EIF2D: variants seen among roughly 807,000 people sequenced by gnomAD.
EIF2D encodes eukaryotic translation initiation factor 2D.
A neutral mutation model predicts 77.4 loss-of-function variants in EIF2D; 56 were observed. The ratio of observed to expected loss-of-function variants is 0.72; its 90% CI spans 0.58 to 0.90. The LOEUF is 0.90. Among genes scored for constraint, EIF2D ranks in the 40% least tolerant of loss-of-function variants. EIF2D has a pLI of 0.00. For missense variants in EIF2D, 574 were observed against 706.5 expected, an observed-to-expected ratio of 0.81 and a Z score of 2.13; for synonymous variants, 230 against 271.0, an observed-to-expected ratio of 0.85 and a Z score of 1.49.
intron 2 of EIF2D, chr1:206,585,107 A>G (rs1474327167): frequency 8.7e-7 from 1 of 1,145,840 alleles, no homozygotes; most frequent in African/African-American, 1.5e-5. Flanking sequence ...TGCATTTCCA[A>G]TCCTTTCCCG....
In EIF2D at chr1:206,599,905, GC is replaced by G; in HGVS notation, c.949-70del. 6.9e-7 allele frequency: 1 copy of G among 1,445,334 alleles called. No individual in the cohort carries two copies. Among genetic ancestry groups the G allele is most frequent in the Non-Finnish European group, 9.7e-7 (1 of 1,035,156 alleles). 89.5% of individuals were successfully genotyped at this position (1,445,334 alleles called of 1,614,324 possible). ...CACACATACTGAGCACCCAGGATGT[GC>G]CAGAGTGAGCTAGGCAGGGACTGTG... On this transcript the variant is annotated intron_variant, in intron 8 of 14. Transcript: ENST00000271764. This position sits in a 1 kb window ranked among gnomAD's most constrained non-coding sequence, Gnocchi z 4.1.
At position 206,584,373 on chromosome 1, in the gene EIF2D, G is replaced by A; in HGVS notation, c.139-3211C>T. 6.2e-7 allele frequency: 1 copy of A among 1,600,068 alleles called. No individual in the cohort carries two copies. Among genetic ancestry groups the A allele is most frequent in the Non-Finnish European group, 8.5e-7 (1 of 1,172,100 alleles). On this transcript the variant is annotated intron_variant and NMD_transcript_variant, in intron 2 of 5. Coordinates refer to the EIF2D transcript ENST00000472709. This position sits in a 1 kb window ranked among gnomAD's most constrained non-coding sequence, Gnocchi z 4.9. ...GGACGGCCCTGACCCCCTGTGACAT[G>A]CCCCCGCTGGCAGAGTGAAGACGGC...
At chr1:206,606,989 T>C (rs1670231144) in intron 4 of EIF2D, among the ~76,000 whole-genome samples, 1 of 152,176 alleles carries the variant, frequency 6.6e-6, no homozygotes, top group Admixed American at 6.5e-5. Context: ...GTATCTACTC[T>C]GGAAAAATAC....
At position 206,593,810 on chromosome 1, in the gene EIF2D, G is replaced by A. The variant is rs1192298648; in HGVS notation, c.1510-17C>T. On this transcript the variant is annotated splice_polypyrimidine_tract_variant and intron_variant, in intron 13 of 14. Transcript: ENST00000271764. Reference sequence around the variant, plus strand: ...CACGGTCACCTGGGGGGACAGTGGGGACAGAGACTGACGGTGGTGACTGCA... The same window carrying A: ...CACGGTCACCTGGGGGGACAGTGGGAACAGAGACTGACGGTGGTGACTGCA... The A allele has an allele frequency of 3.8e-5, 60 of 1,581,430 alleles. No individual in the cohort carries two copies. The highest frequency in any genetic ancestry group is 5.2e-5 in the Non-Finnish European group (60 of 1,157,140).
chr1:206,602,079 T>C (rs1350260511), intron 7 of EIF2D: 2 of 425,040 alleles, frequency 4.7e-6, no homozygotes, highest in African/African-American at 4.0e-5. Context: ...TCACAGAATC[T>C]CAGGAATTTT....
chr1:206,593,135 G>A (rs1669431509), intron 14 of EIF2D, among the ~76,000 whole-genome samples: 3 of 151,972 alleles, frequency 2.0e-5, no homozygotes, highest in Admixed American at 2.0e-4. Flanking sequence ...TTAGACTCTG[G>A]AGTCTAAAAA....
chr1:206,578,257 T>TGC (rs1336893783), intron 4 of EIF2D, among the ~76,000 whole-genome samples: 118 of 151,448 alleles, frequency 7.8e-4, no homozygotes, highest in African/African-American at 2.4e-3. Flanking sequence ...TGTGTGTGTG[T>TGC]GTGTGTAAGT....
intron 13 of EIF2D, 141 bp downstream of exon 13, chr1:206,595,577 G>T: frequency 9.7e-7 from 1 of 1,032,912 alleles, no homozygotes; most frequent in Non-Finnish European, 1.4e-6. Flanking sequence ...CCCAGCCCAG[G>T]CACATAAACA....
rs980644757 is a variant in EIF2D, at chr1:206,602,422, G to C, written c.816C>G (p.Phe272Leu). The change falls in exon 7 of 15, where the codon TTC (phenylalanine) becomes TTG (leucine). Residue 272 changes from phenylalanine to leucine, a missense_variant. Coordinates refer to ENST00000271764, the MANE Select transcript of EIF2D (RefSeq NM_006893.3). ...EQMDELLQQC[F>L]LHALKCRVKK... Reference sequence around the variant, plus strand: ...TGACTCGGCACTTCAAGGCATGTAAGAAGCATTGCTGTAACAGCTCATCCA... The same window carrying C: ...TGACTCGGCACTTCAAGGCATGTAACAAGCATTGCTGTAACAGCTCATCCA... 1.2e-6 allele frequency: 2 copies of C among 1,614,240 alleles called. No homozygotes were observed. The highest frequency in any genetic ancestry group is 1.7e-5 in the Admixed American group (1 of 60,034).
chr1:206,591,912 G>A (rs1669355192), intron 14 of EIF2D, 67 bp from the exon 15 acceptor site: 14 of 1,498,188 alleles, frequency 9.3e-6, no homozygotes, highest in Non-Finnish European at 1.2e-5. Context: ...CCCTCCACCA[G>A]TCCCCGTTGC....
chr1:206,584,656 T>A lies in EIF2D; in HGVS notation c.139-3494A>T. On this transcript the variant is annotated intron_variant and NMD_transcript_variant, in intron 2 of 5. Coordinates refer to the EIF2D transcript ENST00000472709. The surrounding 1 kb of genome is among the most constrained non-coding windows in gnomAD (Gnocchi z 4.9). ...TGGACAATCCCCAGAAGTTTGCACT[T>A]TTTAAGCGGATACACAAGGACGGAC... The A allele has an allele frequency of 6.2e-7, 1 of 1,614,226 alleles. No homozygotes were observed. Among genetic ancestry groups the A allele is most frequent in the Non-Finnish European group, 8.5e-7 (1 of 1,180,044 alleles).
Position 206,599,616 on chromosome 1 carries a change from A to G in EIF2D, c.1053-4T>C. On this transcript the variant is annotated splice_polypyrimidine_tract_variant and splice_region_variant and intron_variant, in intron 9 of 14. Coordinates refer to ENST00000271764, the MANE Select transcript of EIF2D (RefSeq NM_006893.3). The surrounding 1 kb of genome is among the most constrained non-coding windows in gnomAD (Gnocchi z 4.1). Reference sequence around the variant, plus strand: ...GGGTATGACGAAAGATGTAATCCTAAAACCCAGCAGAAGGAAAGAAAAAAC... The same window carrying G: ...GGGTATGACGAAAGATGTAATCCTAGAACCCAGCAGAAGGAAAGAAAAAAC... 1 of 1,600,522 alleles carries G rather than the reference A, an allele frequency of 6.2e-7. No homozygotes were observed. Among genetic ancestry groups the G allele is most frequent in the Admixed American group, 1.7e-5 (1 of 57,914 alleles).
intron 2 of EIF2D, chr1:206,583,745 G>A (rs1458572483): frequency 2.4e-5 from 6 of 246,368 alleles, no homozygotes; most frequent in Non-Finnish European, 4.1e-5. Flanking sequence ...CTACCCCTTC[G>A]ATTGTGAGAG....
chr1:206,611,440 A>T, intron 1 of EIF2D, 66 bp from the exon 2 acceptor site: 1 of 1,394,050 alleles, frequency 7.2e-7, no homozygotes, highest in African/African-American at 1.4e-5. Context: ...TCAAGAACGA[A>T]CTCAAAAGTG....
At chr1:206,569,785 G>C (rs376838448), downstream of EIF2D, among the ~76,000 whole-genome samples, 3 of 152,158 alleles carry the variant, frequency 2.0e-5, no homozygotes, top group African/African-American at 7.2e-5. Flanking sequence ...TGCCCGCTAC[G>C]ACTGCAGCAG....
rs1476375070 is a variant in EIF2D at position 206,593,504 on chromosome 1, A to AGTGTGTGTGT, written c.1684+114_1684+115insACACACACAC. ...GAGAGAGAGCGAGAGAGAGAGAGAG[A>AGTGTGTGTGT]GAGAGTGTGTGTGTGTGTGTGTGTG... On this transcript the variant is annotated intron_variant, in intron 14 of 14. Coordinates refer to ENST00000271764, the MANE Select transcript of EIF2D (RefSeq NM_006893.3). 1.8e-4 allele frequency: 71 copies of AGTGTGTGTGT among 404,760 alleles called. 1 individual carries two copies. The highest frequency in any genetic ancestry group is 9.1e-4 in the Admixed American group (15 of 16,494). The allele number at this position is 404,760 out of a possible 1,614,324, so 25.1% of individuals were successfully genotyped here.
intron 2 of EIF2D, among the ~76,000 whole-genome samples, chr1:206,610,066 A>G (rs1437683680): frequency 6.6e-6 from 1 of 152,180 alleles, no homozygotes; most frequent in Non-Finnish European, 1.5e-5. Context: ...AAGGCAAAGA[A>G]TCCTAGAGAG....
chr1:206,586,246 T>TCAGCCTGATGGAGAG (rs1553407616), intron 2 of EIF2D: 1 of 153,968 alleles, frequency 6.5e-6, no homozygotes, highest in Non-Finnish European at 1.4e-5. Context: ...TGCTCTTGGG[T>TCAGCCTGATGGAGAG]CAGCCTGATG....
chr1:206,593,871 C>A, intron 13 of EIF2D, 78 bp from the exon 14 acceptor site: 1 of 1,368,698 alleles, frequency 7.3e-7, no homozygotes, highest in Non-Finnish European at 1.0e-6. Flanking sequence ...AGAGCCTCAG[C>A]AGCCTTCTGA....
Sources: gnomAD v4.1 joint callset for allele counts (sites outside exome capture counted in the v4.1 genomes callset) on GRCh38, gnomAD v4.1.1 for gene constraint, Gnocchi (gnomAD v3.1) non-coding constraint, MANE v1.5 for transcripts, NCBI Gene and HGNC (gene_info 2026-07-23, HGNC 2026-07-21) for gene names.